METAP1: variants seen among roughly 807,000 people sequenced by gnomAD.
METAP1 encodes methionyl aminopeptidase 1.
In METAP1, 28 loss-of-function variants were observed where a neutral mutation model predicts 53.8. That is an observed-to-expected ratio of 0.52 (90% confidence interval 0.39 to 0.71). METAP1 has a LOEUF of 0.71. METAP1 is among the 30% of genes least tolerant of loss of function. The pLI is 0.00. For synonymous variants in METAP1, 181 were observed against 165.7 expected, an observed-to-expected ratio of 1.09 and a Z score of -0.71; for missense variants, 389 against 479.8, an observed-to-expected ratio of 0.81 and a Z score of 1.77.
intron 2 of METAP1, among the ~76,000 whole-genome samples, chr4:99,033,277 A>C (rs1283190211): frequency 6.6e-6 from 1 of 151,170 alleles, no homozygotes; most frequent in African/African-American, 2.4e-5. Context: ...GGACACTTCT[A>C]AAATCAAGTT....
chr4:99,040,224 CAG>C (rs80016272), intron 5 of METAP1, among the ~76,000 whole-genome samples: 3,754 of 152,200 alleles, frequency 0.025, 57 homozygotes, highest in Non-Finnish European at 0.035. Flanking sequence ...GTTTAAGGCT[CAG>C]AGGGTTATGC....
intron 9 of METAP1, among the ~76,000 whole-genome samples, chr4:99,049,552 AAAGTGT>A (rs1214430831): frequency 6.6e-6 from 1 of 152,208 alleles, no homozygotes; most frequent in Non-Finnish European, 1.5e-5. Context: ...AATAACAAAG[AAAGTGT>A]AAGATAGATA....
intron 1 of METAP1, among the ~76,000 whole-genome samples, chr4:99,012,958 T>C (rs1233493879): frequency 1.3e-5 from 2 of 152,170 alleles, no homozygotes; most frequent in African/African-American, 4.8e-5. Flanking sequence ...CAACTTATTA[T>C]CTAGGGGACT....
chr4:99,049,533 G>A (rs551822268), intron 9 of METAP1, among the ~76,000 whole-genome samples: 7 of 152,170 alleles, frequency 4.6e-5, no homozygotes, highest in Admixed American at 3.3e-4. Context: ...GTTGAGTGCC[G>A]TGTGATACAA....
chr4:99,042,866 C>T (rs1304192978), intron 6 of METAP1, among the ~76,000 whole-genome samples: 1 of 151,914 alleles, frequency 6.6e-6, no homozygotes, highest in Non-Finnish European at 1.5e-5. Flanking sequence ...TTGTATTATA[C>T]GTAACTGGTT....
chr4:99,012,904 AG>A (rs1723558600), intron 1 of METAP1, among the ~76,000 whole-genome samples: 2 of 152,238 alleles, frequency 1.3e-5, no homozygotes, highest in African/African-American at 4.8e-5. Flanking sequence ...TCCAGGTCAT[AG>A]GTGGGTTCAA....
At position 99,041,107 on chromosome 4, in the gene METAP1, T is replaced by C; in HGVS notation, c.497T>C (p.Ile166Thr). ...MIKPGVTTEE[I>T]DHAVHLACIA... ...AAACCAGGTGTAACTACTGAAGAAA[T>C]AGATCACGCTGTACACTTAGTAAGA... The change falls in exon 6 of 11, where the codon ATA becomes ACA. Residue 166 changes from isoleucine to threonine, a missense_variant. Ile to Thr is a moderately conservative substitution (Grantham distance 89). Transcript: ENST00000296411. 4 of 1,606,270 alleles carry C rather than the reference T, an allele frequency of 2.5e-6. No homozygotes were observed. Among genetic ancestry groups the C allele is most frequent in the Non-Finnish European group, 2.6e-6 (3 of 1,174,902 alleles).
intron 1 of METAP1, among the ~76,000 whole-genome samples, chr4:99,027,970 C>T (rs1379785777): frequency 2.0e-5 from 3 of 151,744 alleles, no homozygotes; most frequent in South Asian, 2.1e-4. Context: ...TTTTTTTTCC[C>T]GTGCTTTTTT....
chr4:99,046,650 G>A (rs114334640), intron 8 of METAP1, among the ~76,000 whole-genome samples: 1,776 of 152,128 alleles, frequency 0.012, 16 homozygotes, highest in Non-Finnish European at 0.02. Context: ...TATTTTTATT[G>A]TTTTTAGTGC....
intron 1 of METAP1, among the ~76,000 whole-genome samples, chr4:99,015,352 G>A (rs1012586522): frequency 1.3e-5 from 2 of 152,190 alleles, no homozygotes; most frequent in Non-Finnish European, 2.9e-5. Flanking sequence ...AAAGGAGGAA[G>A]AGGGAGAAGG....
Position 98,995,845 on chromosome 4 carries a change from A to C in METAP1, c.92A>C (p.Gln31Pro). The change falls in exon 1 of 11, where the codon CAG (glutamine) becomes CCG (proline). Residue 31 changes from glutamine to proline, a missense_variant. By Grantham distance (76) the Gln-to-Pro change is moderately conservative. Coordinates refer to ENST00000296411, the MANE Select transcript of METAP1 (RefSeq NM_015143.3). ...CCCACTTGCATCAAGCTGGGCATCC[A>C]GGGCTCGTACTTCTGCTCGCAGGTA... Reference protein sequence around the residue: ...QCPTCIKLGIQGSYFCSQECF... With the variant: ...QCPTCIKLGIPGSYFCSQECF... The C allele has an allele frequency of 1.9e-6, 3 of 1,542,644 alleles. No homozygotes were observed. Among genetic ancestry groups the C allele is most frequent in the East Asian group, 2.5e-5 (1 of 39,626 alleles).
At chr4:99,023,043 C>T in intron 1 of METAP1, 1 of 1,394,544 alleles carries the variant, frequency 7.2e-7, no homozygotes, top group African/African-American at 1.4e-5. Flanking sequence ...CTTTGGATTC[C>T]TCCTGCTCCT....
At chr4:99,007,006 A>G (rs1294354196) in intron 1 of METAP1, among the ~76,000 whole-genome samples, 2 of 149,404 alleles carry the variant, frequency 1.3e-5, no homozygotes, top group Non-Finnish European at 3.0e-5. Context: ...TGCCCAGGCT[A>G]CAGTGCAGTG....
chr4:98,995,789 C>A lies in METAP1; in HGVS notation c.36C>A (p.Asp12Glu). 1.3e-6 allele frequency: 2 copies of A among 1,546,538 alleles called. No homozygotes were observed. The highest frequency in any genetic ancestry group is 1.7e-6 in the Non-Finnish European group (2 of 1,144,718). ...TGGAGACGCGGGTGTGCGAGACAGACGGCTGCAGCAGTGAGGCCAAGCTCC... is the reference window on the plus strand; with the variant it reads ...TGGAGACGCGGGTGTGCGAGACAGAAGGCTGCAGCAGTGAGGCCAAGCTCC... ...AAVETRVCET[D>E]GCSSEAKLQC... Residue 12 changes from aspartate to glutamate, a missense_variant, in exon 1 of 11, where the codon GAC becomes GAA. By Grantham distance (45) the Asp-to-Glu change is conservative. Transcript: ENST00000296411.
Position 99,039,370 on chromosome 4 carries a change from C to A in METAP1, c.341-4C>A, listed in dbSNP as rs1288061283. On this transcript the variant is annotated splice_region_variant and splice_polypyrimidine_tract_variant and intron_variant, in intron 4 of 10. Coordinates refer to ENST00000296411, the MANE Select transcript of METAP1 (RefSeq NM_015143.3). ...TGGTTTTACTTACCGAATTTTCATTCCAGGAATGTCTGAATCTGAACAGGC... is the reference window on the plus strand; with the variant it reads ...TGGTTTTACTTACCGAATTTTCATTACAGGAATGTCTGAATCTGAACAGGC... 6.3e-7 allele frequency: 1 copy of A among 1,592,220 alleles called. No homozygotes were observed. Among genetic ancestry groups the A allele is most frequent in the Non-Finnish European group, 8.6e-7 (1 of 1,163,594 alleles).
At chr4:99,049,005 A>G (rs1269238982) in intron 9 of METAP1, 129 bp downstream of exon 9, 5 of 1,144,494 alleles carry the variant, frequency 4.4e-6, no homozygotes, top group South Asian at 1.5e-5. Context: ...TAGATTCCCA[A>G]AATGTGTATT....
At chr4:99,052,002 C>G (rs1726749564) in intron 9 of METAP1, among the ~76,000 whole-genome samples, 1 of 152,150 alleles carries the variant, frequency 6.6e-6, no homozygotes, top group South Asian at 2.1e-4. Context: ...TTAAACTGTA[C>G]AGGCATACCT....
In METAP1 at chr4:99,055,663, T is replaced by G. The variant is rs1490376299; in HGVS notation, c.932-2090T>G. 2.0e-5 allele frequency among the ~76,000 whole-genome samples: 3 copies of G among 152,338 alleles called. No individual in the cohort carries two copies. The East Asian group carries it at 5.8e-4, about 29-fold the overall frequency. On this transcript the variant is annotated intron_variant, in intron 9 of 10. Coordinates refer to ENST00000296411, the MANE Select transcript of METAP1 (RefSeq NM_015143.3). ...ATATGTTACATGTTGTTTTAGTCTT[T>G]GAAATCCAAAGGGCTTTTGCACTGA...
intron 10 of METAP1, 60 bp downstream of exon 10, chr4:99,057,878 C>CATCA: frequency 7.0e-7 from 1 of 1,426,702 alleles, no homozygotes; most frequent in South Asian, 1.3e-5. Context: ...TTAGGTAATT[C>CATCA]ATCATGTCAG....
Sources: gnomAD v4.1 joint callset for allele counts (sites outside exome capture counted in the v4.1 genomes callset) on GRCh38, gnomAD v4.1.1 for gene constraint, MANE v1.5 for transcripts, NCBI Gene and HGNC (gene_info 2026-07-23, HGNC 2026-07-21) for gene names.